PRELID2: variants seen among roughly 807,000 people sequenced by gnomAD.
PRELID2 encodes PRELI domain containing 2.
Under a neutral mutation model 28.4 loss-of-function variants are expected in PRELID2, and 25 were observed. That is an observed-to-expected ratio of 0.88 (90% CI 0.64 to 1.23). The LOEUF (loss-of-function observed/expected upper bound fraction) is 1.23, where lower values mean the gene tolerates loss of function less well. PRELID2 is among the 50% of genes most tolerant of loss of function. The pLI, the probability that PRELID2 is intolerant of heterozygous loss-of-function variation, is 0.00. For synonymous variants in PRELID2, 76 were observed against 71.6 expected, an observed-to-expected ratio of 1.06 and a Z score of -0.31; for missense variants, 201 against 214.4, an observed-to-expected ratio of 0.94 and a Z score of 0.39.
chr5:145,335,899 A>C, the PRELID2 span, among the ~76,000 whole-genome samples: 2 of 152,198 alleles, frequency 1.3e-5, no homozygotes, highest in Non-Finnish European at 2.9e-5. Flanking sequence ...ACAGTGTAAA[A>C]GTGTTCCCAT....
the PRELID2 span, among the ~76,000 whole-genome samples, chr5:145,397,199 T>A: frequency 6.6e-6 from 1 of 152,128 alleles, no homozygotes; most frequent in Non-Finnish European, 1.5e-5. Context: ...TTCTAAGATC[T>A]ATAAAGCATC....
At chr5:145,362,918 C>A in the PRELID2 span, among the ~76,000 whole-genome samples, 2 of 152,062 alleles carry the variant, frequency 1.3e-5, no homozygotes, top group East Asian at 3.9e-4. Context: ...TTATTCATAT[C>A]TGTTTTGACA....
At chr5:145,728,368 G>A in intron 1 of PRELID2, 1 of 408,592 alleles carries the variant, frequency 2.4e-6, no homozygotes, top group Non-Finnish European at 4.6e-6. Flanking sequence ...ACATCTTCCT[G>A]GAAACCTTTT....
intron 1 of PRELID2, among the ~76,000 whole-genome samples, chr5:145,672,454 G>T (rs776150130): frequency 5.5e-5 from 8 of 145,194 alleles, no homozygotes; most frequent in Non-Finnish European, 1.0e-4. Context: ...TTGACATAAG[G>T]AATGGCTTTT....
chr5:145,707,530 T>G (rs1253229682), intron 1 of PRELID2, among the ~76,000 whole-genome samples: 2 of 152,204 alleles, frequency 1.3e-5, no homozygotes, highest in Non-Finnish European at 2.9e-5. Flanking sequence ...GTATGTTTAG[T>G]TTCCTTAAGA....
intron 1 of PRELID2, among the ~76,000 whole-genome samples, chr5:145,608,442 A>G (rs984072384): frequency 6.6e-6 from 1 of 152,192 alleles, no homozygotes. Flanking sequence ...GTCTGGTGGT[A>G]ATGAATTCTC....
chr5:145,662,541 T>C (rs1754514121), intron 1 of PRELID2, among the ~76,000 whole-genome samples: 1 of 152,274 alleles, frequency 6.6e-6, no homozygotes, highest in East Asian at 1.9e-4. Flanking sequence ...TCAACCTCAA[T>C]GTGGCAGTAT....
At chr5:145,671,575 CAAG>C (rs1754706901) in intron 1 of PRELID2, among the ~76,000 whole-genome samples, 2 of 152,104 alleles carry the variant, frequency 1.3e-5, no homozygotes, top group African/African-American at 4.8e-5. Context: ...AAAGAAAAGG[CAAG>C]AAGAATGTTT....
intron 1 of PRELID2, among the ~76,000 whole-genome samples, chr5:145,711,562 A>G (rs1013796934): frequency 1.3e-5 from 2 of 152,078 alleles, no homozygotes; most frequent in Non-Finnish European, 2.9e-5. Flanking sequence ...TCTCCCACAG[A>G]CCTTCACTGG....
Position 145,730,522 on chromosome 5 carries a change from T to C in PRELID2, n.70+34409A>G, listed in dbSNP as rs537602872. ...CATAAATTTGAATCACCCATGCTAA[T>C]GAGGATGAGGTTGGTTGGAAGAAGT... On this transcript the variant is annotated intron_variant and non_coding_transcript_variant, in intron 1 of 2. Coordinates refer to the PRELID2 transcript ENST00000510259. Among the ~76,000 whole-genome samples, 5 of 152,338 alleles carry C rather than the reference T, an allele frequency of 3.3e-5. No individual in the cohort carries two copies. The East Asian group carries it at 9.6e-4, about 29-fold the overall frequency.
the PRELID2 span, chr5:145,441,123 A>T: frequency 1.3e-5 from 2 of 152,220 alleles, no homozygotes; most frequent in East Asian, 3.9e-4. Flanking sequence ...CAGTTGAGGG[A>T]ACCCAATCTG....
chr5:145,418,318 G>C, the PRELID2 span, among the ~76,000 whole-genome samples: 2 of 152,038 alleles, frequency 1.3e-5, no homozygotes, highest in African/African-American at 4.8e-5. Flanking sequence ...CCAGTACAAA[G>C]TAATTTGTAG....
At chr5:145,298,315 G>C in the PRELID2 span, among the ~76,000 whole-genome samples, 2 of 151,850 alleles carry the variant, frequency 1.3e-5, no homozygotes, top group African/African-American at 2.4e-5. Context: ...AAATAACGCC[G>C]CATATCTACA....
At chr5:145,732,327 C>CA (rs1324300718) in intron 1 of PRELID2, among the ~76,000 whole-genome samples, 1 of 152,166 alleles carries the variant, frequency 6.6e-6, no homozygotes, top group Non-Finnish European at 1.5e-5. Context: ...TGTAAAAAGG[C>CA]ATGACAGATA....
chr5:145,648,602 A>G (rs1754236461), intron 1 of PRELID2, among the ~76,000 whole-genome samples: 1 of 150,568 alleles, frequency 6.6e-6, no homozygotes. Flanking sequence ...GGTTTACCTC[A>G]GTTTTATTTA....
chr5:145,574,708 C>G (rs1271578948), intron 1 of PRELID2, among the ~76,000 whole-genome samples: 2 of 152,096 alleles, frequency 1.3e-5, no homozygotes, highest in Non-Finnish European at 2.9e-5. Context: ...GTTCCAGGAC[C>G]CCTGAGGATG....
At chr5:145,298,708 C>T in the PRELID2 span, among the ~76,000 whole-genome samples, 1 of 152,008 alleles carries the variant, frequency 6.6e-6, no homozygotes, top group Non-Finnish European at 1.5e-5. Flanking sequence ...TCCCAGCCTC[C>T]AGAACTGTGA....
At chr5:145,676,220 CAAAAAAAAAAAAA>C (rs34833967) in intron 1 of PRELID2, among the ~76,000 whole-genome samples, 7 of 53,602 alleles carry the variant, frequency 1.3e-4, no homozygotes, top group African/African-American at 4.2e-4. Flanking sequence ...AACTCCATCT[CAAAAAAAAAAAAA>C]AAAAAAAAAT....
At chr5:145,568,608 T>A (rs1316828188) in intron 1 of PRELID2, among the ~76,000 whole-genome samples, 1 of 152,218 alleles carries the variant, frequency 6.6e-6, no homozygotes, top group Admixed American at 6.5e-5. Flanking sequence ...TCTTTCTCTT[T>A]TAGAATTTCT....
Sources: allele counts gnomAD v4.1 joint callset (sites outside exome capture counted in the v4.1 genomes callset), GRCh38; gene constraint gnomAD v4.1.1; transcripts MANE v1.5; gene names NCBI Gene and HGNC (gene_info 2026-07-23, HGNC 2026-07-21).